CSMD1: variants seen among roughly 807,000 people sequenced by gnomAD.
CSMD1 encodes the protein CUB and Sushi multiple domains 1, also known as CUB and sushi domain-containing protein 1.
A neutral mutation model predicts 417.5 loss-of-function variants in CSMD1; 213 were observed. The ratio of observed to expected loss-of-function variants is 0.51; its 90% confidence interval spans 0.46 to 0.57. The LOEUF (loss-of-function observed/expected upper bound fraction) is 0.57, where lower values mean the gene tolerates loss of function less well. Among genes scored for constraint, CSMD1 ranks in the 20% least tolerant of loss-of-function variants. The pLI is 0.00. For missense variants in CSMD1, 6,923 were observed against 4,529.7 expected, an observed-to-expected ratio of 1.53 and a Z score of -15.17; for synonymous variants, 2,862 against 1,736.8, an observed-to-expected ratio of 1.65 and a Z score of -16.11.
intron 1 of CSMD1, among the ~76,000 whole-genome samples, chr8:4,737,392 T>C (rs1810311649): frequency 1.3e-5 from 2 of 152,086 alleles, no homozygotes; most frequent in Admixed American, 1.3e-4. Context: ...TAATGGGTAC[T>C]AGGTTTAATA....
chr8:3,049,436 T>C (rs10109575), intron 50 of CSMD1, among the ~76,000 whole-genome samples: 10,797 of 152,126 alleles, frequency 0.071, 450 homozygotes, highest in Non-Finnish European at 0.09. Context: ...TGCAAAATCA[T>C]GGAGGAAACT....
intron 49 of CSMD1, among the ~76,000 whole-genome samples, chr8:3,070,067 C>T (rs11779935): frequency 3.9e-5 from 6 of 152,284 alleles, no homozygotes; most frequent in East Asian, 1.9e-4. Flanking sequence ...AGCCAGTATG[C>T]GGAAAGCAGC....
In CSMD1 at chr8:4,178,880, G is replaced by A. The variant is rs182534883; in HGVS notation, c.416-146781C>T. Reference sequence around the variant, plus strand: ...AAATCCAACTTACAAGGGATGAGAAGGACCTCTTCAAGGAGAACTACAAAC... The same window carrying A: ...AAATCCAACTTACAAGGGATGAGAAAGACCTCTTCAAGGAGAACTACAAAC... On this transcript the variant is annotated intron_variant, in intron 3 of 69. Coordinates refer to ENST00000635120, the MANE Select transcript of CSMD1 (RefSeq NM_033225.6). 4.7e-4 allele frequency among the ~76,000 whole-genome samples: 71 copies of A among 152,246 alleles called. 1 individual carries two copies. The East Asian group carries it at 0.013, about 27-fold the overall frequency.
At chr8:4,806,363 G>A (rs1439269250) in intron 1 of CSMD1, among the ~76,000 whole-genome samples, 2 of 152,128 alleles carry the variant, frequency 1.3e-5, no homozygotes, top group African/African-American at 4.8e-5. Context: ...TTGCAGTATT[G>A]AACTCGTGTC....
chr8:3,635,483 CTTTTTT>C (rs562990317), intron 7 of CSMD1, among the ~76,000 whole-genome samples: 1 of 125,930 alleles, frequency 7.9e-6, no homozygotes, highest in African/African-American at 3.1e-5. Context: ...GACTCCATCT[CTTTTTT>C]TTTTTTTTTT....
chr8:4,201,638 T>C (rs1476704199), intron 3 of CSMD1, among the ~76,000 whole-genome samples: 1 of 151,552 alleles, frequency 6.6e-6, no homozygotes. Context: ...AATAAGCCTT[T>C]ATTTACCCTT....
chr8:3,011,400 T>C (rs1808372532), intron 52 of CSMD1, among the ~76,000 whole-genome samples: 1 of 152,132 alleles, frequency 6.6e-6, no homozygotes, highest in Admixed American at 6.5e-5. Context: ...TCAGTTGTTT[T>C]ATTAAATATT....
At chr8:4,068,208 C>CT (rs1563080134) in intron 3 of CSMD1, among the ~76,000 whole-genome samples, 2 of 152,046 alleles carry the variant, frequency 1.3e-5, no homozygotes, top group Non-Finnish European at 2.9e-5. Flanking sequence ...AAAAATCTTC[C>CT]GTGCAGTGTT....
At chr8:2,957,894 A>G in intron 62 of CSMD1, 87 bp from the exon 63 acceptor site, 1 of 886,546 alleles carries the variant, frequency 1.1e-6, no homozygotes, top group Non-Finnish European at 1.8e-6. Flanking sequence ...ACGCCCGAGT[A>G]AAAGTACAGC....
intron 2 of CSMD1, among the ~76,000 whole-genome samples, chr8:4,438,775 C>T (rs1798293191): frequency 6.6e-6 from 1 of 152,226 alleles, no homozygotes; most frequent in Non-Finnish European, 1.5e-5. Flanking sequence ...TGCCCTGAAT[C>T]ACAAGTGCTT....
intron 3 of CSMD1, among the ~76,000 whole-genome samples, chr8:4,278,392 A>G (rs187652261): frequency 6.3e-4 from 96 of 152,334 alleles, no homozygotes; most frequent in African/African-American, 2.3e-3. Flanking sequence ...AGCTATACAG[A>G]ATATGAATAC....
At chr8:3,791,365 A>T (rs749356152) in intron 5 of CSMD1, among the ~76,000 whole-genome samples, 2 of 152,232 alleles carry the variant, frequency 1.3e-5, no homozygotes, top group African/African-American at 2.4e-5. Flanking sequence ...GAAAAAATAA[A>T]TTTGGTGAAG....
At chr8:3,306,668 AG>A (rs1804877237) in intron 25 of CSMD1, among the ~76,000 whole-genome samples, 1 of 135,700 alleles carries the variant, frequency 7.4e-6, no homozygotes. Flanking sequence ...TGAAACAGAA[AG>A]GTTAATTGAA....
intron 5 of CSMD1, among the ~76,000 whole-genome samples, chr8:3,881,088 G>A (rs758678462): frequency 2.0e-5 from 3 of 152,120 alleles, no homozygotes; most frequent in Non-Finnish European, 4.4e-5. Context: ...CTGAATGCAC[G>A]AAATCTGAAA....
At chr8:4,147,265 T>A (rs77234576) in intron 3 of CSMD1, among the ~76,000 whole-genome samples, 1 of 152,094 alleles carries the variant, frequency 6.6e-6, no homozygotes, top group East Asian at 1.9e-4. Flanking sequence ...CAGCGGCTCC[T>A]CCTCACCTGC....
intron 25 of CSMD1, among the ~76,000 whole-genome samples, chr8:3,291,019 G>C (rs1209314027): frequency 2.6e-5 from 4 of 152,122 alleles, no homozygotes; most frequent in Non-Finnish European, 4.4e-5. Flanking sequence ...AATTTTTTGA[G>C]AGTTTTTAGC....
intron 3 of CSMD1, among the ~76,000 whole-genome samples, chr8:4,333,746 C>A (rs1204853916): frequency 6.6e-6 from 1 of 152,112 alleles, no homozygotes; most frequent in Non-Finnish European, 1.5e-5. Context: ...AAGATCTAGT[C>A]CGCTGCCTGC....
At chr8:4,796,378 C>T (rs1797984142) in intron 1 of CSMD1, among the ~76,000 whole-genome samples, 2 of 152,008 alleles carry the variant, frequency 1.3e-5, no homozygotes, top group East Asian at 1.9e-4. Flanking sequence ...AAAGTTTATT[C>T]CTGATCTCCC....
intron 1 of CSMD1, among the ~76,000 whole-genome samples, chr8:4,650,829 G>A (rs2130894521): frequency 6.6e-6 from 1 of 152,286 alleles, no homozygotes; most frequent in East Asian, 1.9e-4. Context: ...TTCCAAGGTT[G>A]TAGAGTAGAA....
Sources: gnomAD v4.1 joint callset for allele counts (sites outside exome capture counted in the v4.1 genomes callset) on GRCh38, gnomAD v4.1.1 for gene constraint, MANE v1.5 for transcripts, NCBI Gene and HGNC (gene_info 2026-07-23, HGNC 2026-07-21) for gene names.